The following LRMDA variants were observed in gnomAD, a reference collection of about 807,000 sequenced individuals.
The protein encoded by LRMDA is leucine-rich melanocyte differentiation-associated protein.
LRMDA carries 18 observed loss-of-function variants against 29.8 expected under a neutral mutation model. The ratio of observed to expected loss-of-function variants is 0.60; its 90% CI spans 0.42 to 0.90. The LOEUF (loss-of-function observed/expected upper bound fraction) is 0.90, where lower values mean the gene tolerates loss of function less well. Among genes scored for constraint, LRMDA ranks in the 40% least tolerant of loss-of-function variants. The pLI, the probability that LRMDA is intolerant of heterozygous loss-of-function variation, is 0.00. For synonymous variants in LRMDA, 125 were observed against 109.4 expected (o/e 1.14, Z -0.89); for missense variants, 273 against 273.9 (o/e 1.00, Z 0.02).
chr10:75,442,053 G>A lies in LRMDA; in HGVS notation c.131+3559G>A, dbSNP rs151321382. On this transcript the variant is annotated intron_variant, in intron 2 of 6. Transcript: ENST00000611255. ...GTTTCCCTTTGCACAGCTAAGTATT[G>A]TTACTCAGTTTTTGTGTCATCTTCC... 2.1e-3 allele frequency among the ~76,000 whole-genome samples: 317 copies of A among 152,256 alleles called. 1 individual carries two copies. Among genetic ancestry groups the A allele is most frequent in the African/African-American group, 7.2e-3 (299 of 41,554 alleles).
chr10:76,459,068 G>T (rs1217275108), intron 6 of LRMDA, among the ~76,000 whole-genome samples: 1 of 152,026 alleles, frequency 6.6e-6, no homozygotes, highest in African/African-American at 2.4e-5. Flanking sequence ...ATTCAGATTT[G>T]GTATGATTCA....
chr10:75,893,596 G>A (rs1036120249), intron 2 of LRMDA, among the ~76,000 whole-genome samples: 4 of 152,180 alleles, frequency 2.6e-5, no homozygotes, highest in Non-Finnish European at 5.9e-5. Flanking sequence ...GTTGAAAACT[G>A]AGATGCCTGT....
chr10:76,153,304 A>C (rs1187190116), intron 5 of LRMDA, among the ~76,000 whole-genome samples: 1 of 152,230 alleles, frequency 6.6e-6, no homozygotes, highest in Non-Finnish European at 1.5e-5. Flanking sequence ...TCTGATAAAC[A>C]AAATTTTTAA....
chr10:76,339,811 A>G (rs1157804108), intron 6 of LRMDA, among the ~76,000 whole-genome samples: 1 of 150,368 alleles, frequency 6.7e-6, no homozygotes, highest in Non-Finnish European at 1.5e-5. Context: ...AAGAAATATA[A>G]GTCTAAACAG....
intron 4 of LRMDA, among the ~76,000 whole-genome samples, chr10:76,055,063 C>CAAAAAAAAAAAAAAA (rs531729040): frequency 3.6e-3 from 163 of 45,882 alleles, no homozygotes; most frequent in South Asian, 5.1e-3. Context: ...GACTCCATCT[C>CAAAAAAAAAAAAAAA]AAAAAAAAAA....
chr10:76,239,914 T>C (rs1303226276), intron 5 of LRMDA, among the ~76,000 whole-genome samples: 2 of 152,094 alleles, frequency 1.3e-5, no homozygotes, highest in Admixed American at 1.3e-4. Context: ...TTTATGTATA[T>C]ATACTTATAT....
intron 6 of LRMDA, among the ~76,000 whole-genome samples, chr10:76,520,548 A>G (rs1041033247): frequency 1.3e-5 from 2 of 152,164 alleles, no homozygotes; most frequent in Non-Finnish European, 2.9e-5. Flanking sequence ...TTGACCCATA[A>G]AATTAGGGAC....
chr10:75,624,485 A>T (rs1007982994), intron 2 of LRMDA, among the ~76,000 whole-genome samples: 10 of 152,182 alleles, frequency 6.6e-5, no homozygotes, highest in African/African-American at 2.4e-4. Context: ...ATGGGAATGT[A>T]TTTTATCACA....
chr10:75,630,324 C>A (rs537699204), intron 2 of LRMDA, among the ~76,000 whole-genome samples: 1 of 152,350 alleles, frequency 6.6e-6, no homozygotes, highest in South Asian at 2.1e-4. Flanking sequence ...CTTCCCTCTC[C>A]ACTCTTTGAA....
chr10:76,264,457 A>C (rs1744526), intron 5 of LRMDA, among the ~76,000 whole-genome samples: 3 of 120,920 alleles, frequency 2.5e-5, no homozygotes, highest in African/African-American at 6.3e-5. Flanking sequence ...AAAAAAAAAA[A>C]CACGGAAGCA....
chr10:75,502,808 C>A (rs959167367), intron 2 of LRMDA, among the ~76,000 whole-genome samples: 4 of 152,102 alleles, frequency 2.6e-5, no homozygotes, highest in African/African-American at 9.7e-5. Flanking sequence ...TATAGGTAAA[C>A]CTCCATGTCA....
At chr10:75,791,527 A>G (rs1843564762) in intron 2 of LRMDA, among the ~76,000 whole-genome samples, 1 of 152,220 alleles carries the variant, frequency 6.6e-6, no homozygotes, top group South Asian at 2.1e-4. Flanking sequence ...TTAAAGCATA[A>G]TTATGTGAGG....
intron 6 of LRMDA, among the ~76,000 whole-genome samples, chr10:76,393,257 A>T (rs532916145): frequency 6.6e-6 from 1 of 152,230 alleles, no homozygotes; most frequent in African/African-American, 2.4e-5. Context: ...AGGAATCTCC[A>T]TACTGTTTTT....
intron 2 of LRMDA, among the ~76,000 whole-genome samples, chr10:75,912,341 G>A (rs1274576387): frequency 6.6e-6 from 1 of 152,170 alleles, no homozygotes; most frequent in Non-Finnish European, 1.5e-5. Flanking sequence ...GATGAATGTT[G>A]CAGAGGACAT....
At chr10:76,200,695 A>AT (rs1411102534) in intron 5 of LRMDA, among the ~76,000 whole-genome samples, 5 of 149,798 alleles carry the variant, frequency 3.3e-5, no homozygotes, top group African/African-American at 1.2e-4. Flanking sequence ...TCACGTGTAT[A>AT]TTTTTTCTTT....
chr10:75,968,369 C>T (rs754158611), intron 2 of LRMDA, among the ~76,000 whole-genome samples: 4 of 152,136 alleles, frequency 2.6e-5, no homozygotes, highest in Admixed American at 6.5e-5. Context: ...GGCCGGGAGA[C>T]CAGCCCATCT....
At chr10:76,014,126 TTATATATA>T (rs374052789) in intron 2 of LRMDA, among the ~76,000 whole-genome samples, 1 of 67,286 alleles carries the variant, frequency 1.5e-5, no homozygotes, top group Non-Finnish European at 3.5e-5. Flanking sequence ...ATATATATAA[TTATATATA>T]TATATATATA....
chr10:76,414,914 G>C (rs1283711909), intron 6 of LRMDA, among the ~76,000 whole-genome samples: 1 of 152,264 alleles, frequency 6.6e-6, no homozygotes, highest in African/African-American at 2.4e-5. Context: ...GTCAGGCAGA[G>C]GCATCTGCAG....
intron 2 of LRMDA, among the ~76,000 whole-genome samples, chr10:75,778,286 C>G (rs1468642411): frequency 6.6e-6 from 1 of 152,104 alleles, no homozygotes; most frequent in Non-Finnish European, 1.5e-5. Flanking sequence ...CCATGTTGGC[C>G]AAGATGATCT....
Sources: allele counts gnomAD v4.1 joint callset (sites outside exome capture counted in the v4.1 genomes callset), GRCh38; gene constraint gnomAD v4.1.1; transcripts MANE v1.5; gene names NCBI Gene and HGNC (gene_info 2026-07-23, HGNC 2026-07-21).